Variants in DLG1 observed in about 807,000 individuals in gnomAD.
DLG1 encodes the protein discs large MAGUK scaffold protein 1.
DLG1 carries 42 observed loss-of-function variants against 123.4 expected under a neutral mutation model. That is an observed-to-expected ratio of 0.34 (90% CI 0.27 to 0.44). The LOEUF (loss-of-function observed/expected upper bound fraction) is 0.44. Among genes scored for constraint, DLG1 ranks in the 20% least tolerant of loss-of-function variants. The pLI is 1.00. For missense variants in DLG1, 942 were observed against 1,082.6 expected (o/e 0.87, Z 1.82); for synonymous variants, 317 against 356.2 (o/e 0.89, Z 1.24).
intron 4 of DLG1, among the ~76,000 whole-genome samples, chr3:197,215,582 C>A (rs1434378925): frequency 3.3e-5 from 5 of 151,652 alleles, no homozygotes; most frequent in Admixed American, 3.3e-4. Context: ...GATAACATAA[C>A]GGTCAGTTAA....
At position 197,081,255 on chromosome 3, in the gene DLG1, CA is replaced by C. The variant is rs1245201379; in HGVS notation, c.1839-139del. On this transcript the variant is annotated intron_variant, in intron 16 of 24. Transcript: ENST00000667157. Reference sequence around the variant, plus strand: ...TAAGAGTCATCTAGGTTTGCATCCCCAAATTAGAATTGCTGAAAAATGAAAT... The same window carrying C: ...TAAGAGTCATCTAGGTTTGCATCCCCAATTAGAATTGCTGAAAAATGAAAT... The C allele has an allele frequency of 1.9e-5, 13 of 681,382 alleles. No homozygotes were observed. The East Asian group carries it at 3.4e-4, about 18-fold the overall frequency. 42.2% of individuals were successfully genotyped at this position (681,382 alleles called of 1,614,324 possible).
chr3:197,116,636 C>T (rs777228465), intron 12 of DLG1, among the ~76,000 whole-genome samples: 3 of 152,084 alleles, frequency 2.0e-5, no homozygotes, highest in South Asian at 4.1e-4. Flanking sequence ...GACAGACAAA[C>T]CTTATCAAGG....
intron 6 of DLG1, among the ~76,000 whole-genome samples, chr3:197,143,600 T>G (rs1789182135): frequency 6.6e-6 from 1 of 152,196 alleles, no homozygotes; most frequent in East Asian, 1.9e-4. Flanking sequence ...CCTCTAAAAC[T>G]TTCACAACTC....
chr3:197,169,557 T>C (rs1389887351), intron 5 of DLG1, among the ~76,000 whole-genome samples: 1 of 152,230 alleles, frequency 6.6e-6, no homozygotes, highest in Non-Finnish European at 1.5e-5. Flanking sequence ...ATAAAAGAGT[T>C]GCAAGGCTAT....
intron 14 of DLG1, among the ~76,000 whole-genome samples, chr3:197,104,015 C>G (rs1444941849): frequency 2.0e-5 from 3 of 152,076 alleles, no homozygotes; most frequent in Admixed American, 2.0e-4. Context: ...CCTTCTTCCC[C>G]CAGGAACTTA....
intron 23 of DLG1, among the ~76,000 whole-genome samples, chr3:197,058,447 G>T: frequency 6.6e-6 from 1 of 152,040 alleles, no homozygotes; most frequent in East Asian, 1.9e-4. Flanking sequence ...CTACTATTTA[G>T]TTCAAAACAT....
intron 6 of DLG1, among the ~76,000 whole-genome samples, chr3:197,147,838 CA>C (rs1203457027): frequency 6.9e-6 from 1 of 144,600 alleles, no homozygotes; most frequent in African/African-American, 2.6e-5. Flanking sequence ...ATCCAAAAAA[CA>C]AAAAATAAAA....
intron 11 of DLG1, among the ~76,000 whole-genome samples, chr3:197,127,439 AAAAAAAAAAAAAAAAAAAATAT>A (rs1388189159): frequency 6.3e-3 from 252 of 39,912 alleles, no homozygotes; most frequent in East Asian, 0.021. Flanking sequence ...AAAAAAAAAA[AAAAAAAAAAAAAAAAAAAATAT>A]ATATATATAT....
At chr3:197,297,888 C>T (rs931397707) in intron 1 of DLG1, 8 of 985,004 alleles carry the variant, frequency 8.1e-6, no homozygotes, top group African/African-American at 1.7e-5. Flanking sequence ...GCTCCACGTA[C>T]CCCCGCCCCG....
intron 4 of DLG1, among the ~76,000 whole-genome samples, chr3:197,252,360 C>T (rs1352326485): frequency 6.6e-6 from 1 of 151,802 alleles, no homozygotes; most frequent in African/African-American, 2.4e-5. Flanking sequence ...ATAATGGATA[C>T]GAAAAATGTG....
intron 18 of DLG1, 76 bp from the exon 19 acceptor site, chr3:197,069,336 G>A: frequency 1.0e-6 from 1 of 990,116 alleles, no homozygotes; most frequent in Non-Finnish European, 1.5e-6. Flanking sequence ...ATGAAATGTT[G>A]AGATATAAGC....
intron 6 of DLG1, among the ~76,000 whole-genome samples, chr3:197,143,642 T>C (rs749870920): frequency 6.6e-6 from 1 of 152,228 alleles, no homozygotes; most frequent in African/African-American, 2.4e-5. Context: ...ACTCTATGGG[T>C]TGGTAATCAT....
intron 4 of DLG1, among the ~76,000 whole-genome samples, chr3:197,279,842 A>G (rs1238033743): frequency 1.3e-5 from 2 of 152,216 alleles, no homozygotes; most frequent in Non-Finnish European, 2.9e-5. Context: ...ATCTTAAAGA[A>G]TACTTACAGT....
At chr3:197,136,088 A>G (rs993584606) in intron 10 of DLG1, among the ~76,000 whole-genome samples, 1 of 152,180 alleles carries the variant, frequency 6.6e-6, no homozygotes, top group African/African-American at 2.4e-5. Context: ...CTAAGATTAC[A>G]GACAGGTGTG....
chr3:197,268,783 T>C (rs377246013), intron 4 of DLG1, among the ~76,000 whole-genome samples: 7 of 152,078 alleles, frequency 4.6e-5, no homozygotes, highest in Non-Finnish European at 8.8e-5. Flanking sequence ...ATACACTGTA[T>C]AGAGGTACAA....
intron 18 of DLG1, chr3:197,075,692 A>T: frequency 1.9e-6 from 1 of 535,100 alleles, no homozygotes; most frequent in Non-Finnish European, 3.2e-6. Flanking sequence ...CAAGCATGTG[A>T]TAAACATGAA....
At chr3:197,127,668 A>T (rs1226480342) in intron 11 of DLG1, among the ~76,000 whole-genome samples, 1 of 151,248 alleles carries the variant, frequency 6.6e-6, no homozygotes. Flanking sequence ...ATATATTGTA[A>T]ATCAGTGTTT....
intron 14 of DLG1, among the ~76,000 whole-genome samples, chr3:197,099,325 G>GAA (rs1762245942): frequency 6.6e-6 from 1 of 152,142 alleles, no homozygotes; most frequent in Non-Finnish European, 1.5e-5. Flanking sequence ...TCAGCCTCCC[G>GAA]AAGTGCTAAC....
chr3:197,268,071 A>G (rs1310859836), intron 4 of DLG1, among the ~76,000 whole-genome samples: 1 of 152,216 alleles, frequency 6.6e-6, no homozygotes, highest in Non-Finnish European at 1.5e-5. Flanking sequence ...AAATTTTGCA[A>G]TAAACATGTA....
Sources: allele counts gnomAD v4.1 joint callset (sites outside exome capture counted in the v4.1 genomes callset), GRCh38; gene constraint gnomAD v4.1.1; transcripts MANE v1.5; gene names NCBI Gene and HGNC (gene_info 2026-07-23, HGNC 2026-07-21).